The following NFIB variants were observed in gnomAD, a reference collection of about 807,000 sequenced individuals.
NFIB encodes nuclear factor I B.
In NFIB, 11 loss-of-function variants were observed where a neutral mutation model predicts 61.5. The observed-to-expected ratio is 0.18, with a 90% CI of 0.11 to 0.30. The LOEUF is 0.30. Among genes scored for constraint, NFIB ranks in the 10% least tolerant of loss-of-function variants. NFIB has a pLI of 1.00. For missense variants in NFIB, 471 were observed against 608.9 expected, an observed-to-expected ratio of 0.77 and a Z score of 2.38; for synonymous variants, 260 against 216.5, an observed-to-expected ratio of 1.20 and a Z score of -1.76.
At chr9:14,102,266 T>C (rs573099971) in intron 10 of NFIB, among the ~76,000 whole-genome samples, 7 of 152,036 alleles carry the variant, frequency 4.6e-5, no homozygotes, top group Non-Finnish European at 8.8e-5. Context: ...TCCATTTACA[T>C]AAGAAATAAA....
At chr9:14,225,481 GA>G (rs2052275058) in intron 2 of NFIB, among the ~76,000 whole-genome samples, 1 of 63,496 alleles carries the variant, frequency 1.6e-5, no homozygotes, top group East Asian at 8.2e-4. Flanking sequence ...AAAAAAAAAA[GA>G]AGAAGAAGAA....
At chr9:14,272,281 A>C (rs1376724504) in intron 2 of NFIB, among the ~76,000 whole-genome samples, 1 of 152,184 alleles carries the variant, frequency 6.6e-6, no homozygotes, top group African/African-American at 2.4e-5. Context: ...TTTTTGTCGT[A>C]ATTTTAAAAT....
chr9:14,468,116 A>G, the NFIB span, among the ~76,000 whole-genome samples: 1 of 152,226 alleles, frequency 6.6e-6, no homozygotes. Flanking sequence ...CAAAGTGCCA[A>G]ATGTAGAAAA....
the NFIB span, among the ~76,000 whole-genome samples, chr9:14,405,270 A>G: frequency 1.3e-5 from 2 of 152,234 alleles, no homozygotes; most frequent in African/African-American, 4.8e-5. Context: ...CTCACCAATT[A>G]GATTTTAGTG....
the NFIB span, among the ~76,000 whole-genome samples, chr9:14,523,541 T>A: frequency 6.6e-6 from 1 of 151,992 alleles, no homozygotes; most frequent in Admixed American, 6.6e-5. Flanking sequence ...AATGTAAGAA[T>A]TATGGGGAAA....
the NFIB span, among the ~76,000 whole-genome samples, chr9:14,433,778 T>G: frequency 6.6e-6 from 1 of 152,240 alleles, no homozygotes; most frequent in African/African-American, 2.4e-5. Flanking sequence ...ATTAGTGCAT[T>G]AATAAAGTCA....
At chr9:14,191,860 T>C (rs1057210452) in intron 2 of NFIB, among the ~76,000 whole-genome samples, 3 of 152,212 alleles carry the variant, frequency 2.0e-5, no homozygotes, top group African/African-American at 7.2e-5. Context: ...AAATTGATTA[T>C]TATGCTGCCA....
chr9:14,396,482 T>C (rs1453501494), intron 1 of NFIB, among the ~76,000 whole-genome samples: 2 of 151,910 alleles, frequency 1.3e-5, no homozygotes, highest in Non-Finnish European at 2.9e-5. Context: ...CAAATTCAGG[T>C]GGGGAGCCTC....
At chr9:14,376,518 A>ATTT (rs35781223) in intron 1 of NFIB, among the ~76,000 whole-genome samples, 3,946 of 141,224 alleles carry the variant, frequency 0.028, 229 homozygotes, top group African/African-American at 0.098. Context: ...TAAAAGTGTC[A>ATTT]TTTTTTTTTT....
At chr9:14,103,389 T>C (rs528404411) in intron 10 of NFIB, among the ~76,000 whole-genome samples, 1 of 152,210 alleles carries the variant, frequency 6.6e-6, no homozygotes, top group African/African-American at 2.4e-5. Context: ...AACCTTCAGA[T>C]GGCCACACTG....
the NFIB span, among the ~76,000 whole-genome samples, chr9:14,439,338 C>A: frequency 4.6e-5 from 7 of 152,184 alleles, no homozygotes; most frequent in African/African-American, 1.7e-4. Flanking sequence ...CCACTGCACT[C>A]CAGCCTGGGT....
the NFIB span, among the ~76,000 whole-genome samples, chr9:14,424,813 A>C: frequency 6.6e-6 from 1 of 152,174 alleles, no homozygotes; most frequent in South Asian, 2.1e-4. Flanking sequence ...AGTTTGACAT[A>C]TCTGGGGATA....
At chr9:14,216,578 G>A (rs1197302010) in intron 2 of NFIB, among the ~76,000 whole-genome samples, 2 of 127,348 alleles carry the variant, frequency 1.6e-5, no homozygotes, top group Non-Finnish European at 3.6e-5. Context: ...GTGTGTGTGT[G>A]TGTGTGTGTG....
the NFIB span, among the ~76,000 whole-genome samples, chr9:14,461,218 C>T: frequency 6.6e-6 from 1 of 152,126 alleles, no homozygotes; most frequent in African/African-American, 2.4e-5. Context: ...GAACTGTGAG[C>T]TTGGCAGAGC....
At chr9:14,187,482 A>C (rs1422839850) in intron 2 of NFIB, among the ~76,000 whole-genome samples, 5 of 152,230 alleles carry the variant, frequency 3.3e-5, no homozygotes, top group Non-Finnish European at 5.9e-5. Context: ...CAAAACGCAT[A>C]GTTTAAAAAG....
At chr9:14,333,051 C>A (rs2060841027) in intron 1 of NFIB, among the ~76,000 whole-genome samples, 1 of 152,178 alleles carries the variant, frequency 6.6e-6, no homozygotes, top group Admixed American at 6.5e-5. Flanking sequence ...AGAGCAGCCT[C>A]CAAGGAACGC....
At chr9:14,382,219 A>G (rs759630041) in intron 1 of NFIB, among the ~76,000 whole-genome samples, 9 of 152,168 alleles carry the variant, frequency 5.9e-5, no homozygotes, top group Non-Finnish European at 1.2e-4. Flanking sequence ...CTGGAAGGCA[A>G]TTCTTTTCGA....
chr9:14,419,113 G>C, the NFIB span, among the ~76,000 whole-genome samples: 5 of 151,142 alleles, frequency 3.3e-5, no homozygotes, highest in Non-Finnish European at 7.4e-5. Flanking sequence ...ATCCAAACTG[G>C]GCAAAAAAAT....
the NFIB span, among the ~76,000 whole-genome samples, chr9:14,414,559 T>C: frequency 6.8e-6 from 1 of 147,294 alleles, no homozygotes; most frequent in Non-Finnish European, 1.5e-5. Context: ...CGTAAGTAGA[T>C]GGCCTCATTT....
Sources: allele counts gnomAD v4.1 joint callset (sites outside exome capture counted in the v4.1 genomes callset), GRCh38; gene constraint gnomAD v4.1.1; transcripts MANE v1.5; gene names NCBI Gene and HGNC (gene_info 2026-07-23, HGNC 2026-07-21).